SLIT1: variants seen among roughly 807,000 people sequenced by gnomAD.
SLIT1 encodes slit homolog 1 protein.
In SLIT1, 66 loss-of-function variants were observed where a neutral mutation model predicts 186.1. The ratio of observed to expected loss-of-function variants is 0.35; its 90% CI spans 0.29 to 0.44. The LOEUF (loss-of-function observed/expected upper bound fraction) is 0.44, where lower values mean the gene tolerates loss of function less well. Among genes scored for constraint, SLIT1 ranks in the 20% least tolerant of loss-of-function variants. The pLI is 1.00. For synonymous variants in SLIT1, 761 were observed against 833.8 expected (o/e 0.91, Z 1.50); for missense variants, 1,638 against 2,037.4 (o/e 0.80, Z 3.77).
rs116945990 is a variant in SLIT1 at position 97,088,018 on chromosome 10, C to T, written c.414-21932G>A. Among the ~76,000 whole-genome samples, 544 of 152,072 alleles carry T rather than the reference C, an allele frequency of 3.6e-3. 1 individual carries two copies. The highest frequency in any genetic ancestry group is 6.0e-3 in the Non-Finnish European group (406 of 68,016). On this transcript the variant is annotated intron_variant, in intron 4 of 36. Coordinates refer to ENST00000266058, the MANE Select transcript of SLIT1 (RefSeq NM_003061.3). ...TAATAAGGCGATTTGTGCGTGCATT[C>T]GAGTGGCACAGCACTGGATAAGAGA...
chr10:97,166,624 A>AAAGAAAGG (rs1850122412), intron 1 of SLIT1, among the ~76,000 whole-genome samples: 2 of 5,310 alleles, frequency 3.8e-4, no homozygotes, highest in African/African-American at 1.7e-3. Context: ...AGAAAGAAAG[A>AAAGAAAGG]GAAAAGAAAA....
chr10:97,150,496 C>T (rs1849865220), intron 4 of SLIT1, among the ~76,000 whole-genome samples: 1 of 152,132 alleles, frequency 6.6e-6, no homozygotes, highest in African/African-American at 2.4e-5. Flanking sequence ...GCCTCTCCAA[C>T]CACCAGGGCC....
At position 97,004,935 on chromosome 10, in the gene SLIT1, G is replaced by T; in HGVS notation, c.3580-112C>A. 1.5e-6 allele frequency: 2 copies of T among 1,326,458 alleles called. No individual in the cohort carries two copies. The highest frequency in any genetic ancestry group is 2.1e-6 in the Non-Finnish European group (2 of 946,202). The allele number at this position is 1,326,458 out of a possible 1,614,324, so 82.2% of individuals were successfully genotyped here. On this transcript the variant is annotated intron_variant, in intron 32 of 36. Transcript: ENST00000266058. This position sits in a 1 kb window ranked among gnomAD's most constrained non-coding sequence, Gnocchi z 5.1. ...TTGGAAGAGAGATGCTCTGTGCAGA[G>T]CGCTCTTCCCCCACCTGGCCAGCCT... is the stretch of plus-strand genomic sequence containing the variant.
At chr10:97,039,167 G>A (rs528026395) in intron 21 of SLIT1, among the ~76,000 whole-genome samples, 2 of 152,166 alleles carry the variant, frequency 1.3e-5, no homozygotes, top group Admixed American at 1.3e-4. Context: ...TCCTGGGGGT[G>A]GGGGGAGAAA....
At chr10:97,001,608 A>C (rs555554444) in intron 36 of SLIT1, among the ~76,000 whole-genome samples, 1 of 152,154 alleles carries the variant, frequency 6.6e-6, no homozygotes, top group South Asian at 2.1e-4. Context: ...GGGGGTCCCC[A>C]TTGCTAGAGG....
At position 97,030,812 on chromosome 10, in the gene SLIT1, C is replaced by T; in HGVS notation, c.2527G>A (p.Asp843Asn). ...ATGCCCTCTTGGAGGGTGGAGATGTCATTGCCGTGGAGAGACCTGAGAAGG... is the reference window on the plus strand; with the variant it reads ...ATGCCCTCTTGGAGGGTGGAGATGTTATTGCCGTGGAGAGACCTGAGAAGG... ...SLRLLSLHGN[D>N]ISTLQEGIFA... Residue 843 changes from aspartate to asparagine, a missense_variant, in exon 25 of 37, where the codon GAC becomes AAC. Around this residue, in one of 3 missense-constraint regions of SLIT1, gnomAD observed 1,245 missense variants for 1,535.3 expected, o/e 0.81. Coordinates refer to ENST00000266058, the MANE Select transcript of SLIT1 (RefSeq NM_003061.3). 2 of 1,614,012 alleles carry T rather than the reference C, an allele frequency of 1.2e-6. No individual in the cohort carries two copies. The highest frequency in any genetic ancestry group is 1.7e-6 in the Non-Finnish European group (2 of 1,179,980).
chr10:97,159,495 C>G (rs184976955), intron 3 of SLIT1, among the ~76,000 whole-genome samples: 10 of 152,298 alleles, frequency 6.6e-5, no homozygotes, highest in Admixed American at 5.2e-4. Flanking sequence ...CTGGTAACCA[C>G]TGGTTTTGTT....
intron 18 of SLIT1, among the ~76,000 whole-genome samples, chr10:97,045,028 C>T (rs1258847282): frequency 6.6e-6 from 1 of 152,122 alleles, no homozygotes; most frequent in East Asian, 1.9e-4. Context: ...TGTGAGGACA[C>T]AATGAGAAGT....
intron 21 of SLIT1, among the ~76,000 whole-genome samples, chr10:97,038,003 G>A (rs1250904250): frequency 3.3e-5 from 5 of 152,064 alleles, no homozygotes; most frequent in African/African-American, 1.2e-4. Flanking sequence ...GCCTCTCTCG[G>A]TTCCCTTCTC....
chr10:97,160,596 C>T (rs1169500535), intron 3 of SLIT1, among the ~76,000 whole-genome samples: 6 of 152,198 alleles, frequency 3.9e-5, no homozygotes, highest in South Asian at 4.2e-4. Flanking sequence ...AGAACACCAG[C>T]GTTTCACACC....
At chr10:97,126,727 T>C (rs1420817894) in intron 4 of SLIT1, among the ~76,000 whole-genome samples, 1 of 152,160 alleles carries the variant, frequency 6.6e-6, no homozygotes, top group East Asian at 1.9e-4. Context: ...AATACATGAA[T>C]GAGTGGCTGG....
intron 4 of SLIT1, chr10:97,103,741 C>T (rs1311422182): frequency 6.6e-6 from 1 of 152,152 alleles, no homozygotes; most frequent in Non-Finnish European, 1.5e-5. Flanking sequence ...TCACACAGCC[C>T]CTAGGACAGA....
intron 4 of SLIT1, among the ~76,000 whole-genome samples, chr10:97,077,406 C>T (rs533715177): frequency 8.9e-4 from 135 of 152,312 alleles, no homozygotes; most frequent in South Asian, 3.9e-3. Context: ...CTCTGCAACC[C>T]TGACTGCCTT....
At chr10:97,077,259 TC>T (rs1457708914) in intron 4 of SLIT1, among the ~76,000 whole-genome samples, 27 of 151,776 alleles carry the variant, frequency 1.8e-4, no homozygotes, top group Non-Finnish European at 1.9e-4. Flanking sequence ...AGAGTGAGAC[TC>T]CATCTCTTAA....
chr10:97,100,191 T>C (rs977493651), intron 4 of SLIT1, among the ~76,000 whole-genome samples: 2 of 152,150 alleles, frequency 1.3e-5, no homozygotes, highest in African/African-American at 4.8e-5. Context: ...TTGACATGAA[T>C]ACGCCCCTTC....
At chr10:97,163,328 C>T (rs984204950) in intron 3 of SLIT1, 52 bp downstream of exon 3, 3 of 1,502,180 alleles carry the variant, frequency 2.0e-6, no homozygotes, top group Non-Finnish European at 1.9e-6. Context: ...CCTGCCAGTT[C>T]CCTCTCGTGC....
chr10:97,084,353 C>A (rs1041165548), intron 4 of SLIT1, among the ~76,000 whole-genome samples: 1 of 152,204 alleles, frequency 6.6e-6, no homozygotes, highest in South Asian at 2.1e-4. Context: ...GGGGTCCCCA[C>A]CTGGGCTGCA....
At chr10:97,066,405 C>CT (rs1848946786) in intron 4 of SLIT1, among the ~76,000 whole-genome samples, 1 of 152,164 alleles carries the variant, frequency 6.6e-6, no homozygotes, top group Non-Finnish European at 1.5e-5. Flanking sequence ...TGCCAGACCC[C>CT]ACCTGATGTA....
intron 6 of SLIT1, 52 bp from the exon 7 acceptor site, chr10:97,064,291 T>C (rs74153756): frequency 1.3e-6 from 2 of 1,498,126 alleles, no homozygotes; most frequent in East Asian, 4.5e-5. Flanking sequence ...GGAGATGATG[T>C]GGGACAGGGC....
Sources: allele counts gnomAD v4.1 joint callset (sites outside exome capture counted in the v4.1 genomes callset), GRCh38; gene constraint gnomAD v4.1.1; regional missense constraint gnomAD v4.1.1; non-coding constraint Gnocchi (gnomAD v3.1); transcripts MANE v1.5; gene names NCBI Gene and HGNC (gene_info 2026-07-23, HGNC 2026-07-21).